CNBD1: variants seen among roughly 807,000 people sequenced by gnomAD.
CNBD1 encodes the protein cyclic nucleotide-binding domain-containing protein 1.
A neutral mutation model predicts 54.4 loss-of-function variants in CNBD1; 71 were observed. That is an observed-to-expected ratio of 1.30 (90% CI 1.08 to 1.59). The LOEUF (loss-of-function observed/expected upper bound fraction) is 1.59. CNBD1 is among the 40% of genes most tolerant of loss of function. The pLI, the probability that CNBD1 is intolerant of heterozygous loss-of-function variation, is 0.00. For missense variants in CNBD1, 659 were observed against 518.0 expected, an observed-to-expected ratio of 1.27 and a Z score of -2.64; for synonymous variants, 182 against 170.7, an observed-to-expected ratio of 1.07 and a Z score of -0.51.
intron 8 of CNBD1, among the ~76,000 whole-genome samples, chr8:87,325,806 T>G (rs1229735844): frequency 6.7e-6 from 1 of 149,664 alleles, no homozygotes; most frequent in Non-Finnish European, 1.5e-5. Context: ...CATTTACATT[T>G]AAAGTTTATA....
chr8:86,986,421 A>T (rs1490746773), intron 4 of CNBD1, among the ~76,000 whole-genome samples: 18 of 152,044 alleles, frequency 1.2e-4, no homozygotes, highest in Admixed American at 1.2e-3. Context: ...TAGAACTTTG[A>T]TGGATGCATA....
chr8:87,137,219 C>A (rs1812273925), intron 4 of CNBD1, among the ~76,000 whole-genome samples: 1 of 142,180 alleles, frequency 7.0e-6, no homozygotes, highest in Non-Finnish European at 1.5e-5. Context: ...TATTTATATT[C>A]TATATAAATT....
chr8:87,187,466 T>TCC (rs1209281770), intron 4 of CNBD1, among the ~76,000 whole-genome samples: 1 of 132,884 alleles, frequency 7.5e-6, no homozygotes, highest in African/African-American at 3.4e-5. Flanking sequence ...TCATATATCC[T>TCC]TCTCTTTTTT....
chr8:87,250,648 G>T (rs893688136), intron 6 of CNBD1, among the ~76,000 whole-genome samples: 3 of 152,162 alleles, frequency 2.0e-5, no homozygotes, highest in African/African-American at 4.8e-5. Flanking sequence ...GCCATAAAAA[G>T]AATGAAATCC....
At chr8:87,013,823 C>CA (rs950276745) in intron 4 of CNBD1, among the ~76,000 whole-genome samples, 1 of 151,840 alleles carries the variant, frequency 6.6e-6, no homozygotes, top group Non-Finnish European at 1.5e-5. Flanking sequence ...CCCTCTGGCA[C>CA]ACCGAACTTT....
intron 8 of CNBD1, among the ~76,000 whole-genome samples, chr8:87,328,096 C>G (rs1175105538): frequency 6.6e-6 from 1 of 151,984 alleles, no homozygotes; most frequent in Non-Finnish European, 1.5e-5. Context: ...TTTTAAGACC[C>G]ACATGCATTA....
At chr8:87,122,906 G>GAA (rs1811918796) in intron 4 of CNBD1, among the ~76,000 whole-genome samples, 2 of 151,736 alleles carry the variant, frequency 1.3e-5, no homozygotes, top group Non-Finnish European at 3.0e-5. Context: ...TGTCCTATTT[G>GAA]ACTGATGATG....
intron 8 of CNBD1, among the ~76,000 whole-genome samples, chr8:87,308,521 C>T (rs960615420): frequency 2.0e-5 from 3 of 152,060 alleles, no homozygotes; most frequent in Non-Finnish European, 2.9e-5. Flanking sequence ...CACATGCATA[C>T]AATGTGTCAT....
intron 4 of CNBD1, among the ~76,000 whole-genome samples, chr8:86,967,718 T>C (rs554260178): frequency 6.6e-6 from 1 of 152,306 alleles, no homozygotes; most frequent in Admixed American, 6.5e-5. Flanking sequence ...GCCATTAGCA[T>C]AGTAATCATA....
chr8:87,357,210 A>G (rs1026937210), intron 10 of CNBD1, among the ~76,000 whole-genome samples: 1 of 152,108 alleles, frequency 6.6e-6, no homozygotes, highest in Non-Finnish European at 1.5e-5. Flanking sequence ...GAAATTTGGG[A>G]TTGGAGCTAC....
At chr8:86,990,267 T>C (rs879559786) in intron 4 of CNBD1, among the ~76,000 whole-genome samples, 7 of 152,218 alleles carry the variant, frequency 4.6e-5, no homozygotes, top group Non-Finnish European at 1.0e-4. Flanking sequence ...TTGAGATCTT[T>C]GCCTAGACCA....
downstream of CNBD1, among the ~76,000 whole-genome samples, chr8:87,383,671 C>G (rs552387623): frequency 3.9e-5 from 6 of 152,186 alleles, no homozygotes; most frequent in East Asian, 9.7e-4. Flanking sequence ...ATTGGAGTTG[C>G]AATTCTCAAG....
At position 87,331,087 on chromosome 8, in the gene CNBD1, T is replaced by C. The variant is rs183000324; in HGVS notation, c.1043-20598T>C. The stretch of plus-strand genomic sequence containing the variant: ...TTTTTACTTTAAGTTCGAGGATACA[T>C]GTGCAGAACATGAAGGTTTGTTACA... On this transcript the variant is annotated intron_variant, in intron 8 of 10. Transcript: ENST00000518476. Among the ~76,000 whole-genome samples, 107 of 152,304 alleles carry C rather than the reference T, an allele frequency of 7.0e-4. 1 individual carries two copies. The highest frequency in any genetic ancestry group is 1.6e-3 in the Admixed American group (25 of 15,280).
intron 4 of CNBD1, among the ~76,000 whole-genome samples, chr8:86,957,019 A>G (rs908760951): frequency 7.9e-5 from 12 of 152,152 alleles, no homozygotes; most frequent in Non-Finnish European, 1.3e-4. Context: ...TACCTAGTTT[A>G]TTGAGAGTTT....
At chr8:86,912,221 A>T (rs1809110799) in intron 3 of CNBD1, among the ~76,000 whole-genome samples, 1 of 152,188 alleles carries the variant, frequency 6.6e-6, no homozygotes, top group Non-Finnish European at 1.5e-5. Flanking sequence ...ATTAACTTTA[A>T]CAATGTATAG....
intron 8 of CNBD1, among the ~76,000 whole-genome samples, chr8:87,330,214 A>G (rs1809793527): frequency 7.6e-6 from 1 of 132,342 alleles, no homozygotes; most frequent in African/African-American, 3.0e-5. Context: ...CATACTGGTA[A>G]TTTGTGTTCC....
intron 4 of CNBD1, among the ~76,000 whole-genome samples, chr8:87,056,427 A>G (rs1410763052): frequency 3.3e-5 from 5 of 152,208 alleles, no homozygotes; most frequent in Non-Finnish European, 7.3e-5. Context: ...AATAGCATTG[A>G]CACTCATATT....
At chr8:87,390,323 G>A (rs1230069780) in intron 2 of CNBD1, among the ~76,000 whole-genome samples, 2 of 152,208 alleles carry the variant, frequency 1.3e-5, no homozygotes, top group African/African-American at 2.4e-5. Flanking sequence ...CCTACAGTAT[G>A]GGAAAAAATT....
intron 5 of CNBD1, among the ~76,000 whole-genome samples, chr8:87,236,400 T>C (rs1045666882): frequency 1.3e-5 from 2 of 152,100 alleles, no homozygotes; most frequent in African/African-American, 2.4e-5. Flanking sequence ...GAAAAACTCT[T>C]CTTTCTAGTA....
Sources: gnomAD v4.1 joint callset for allele counts (sites outside exome capture counted in the v4.1 genomes callset) on GRCh38, gnomAD v4.1.1 for gene constraint, MANE v1.5 for transcripts, NCBI Gene and HGNC (gene_info 2026-07-23, HGNC 2026-07-21) for gene names.